DOK5: variants seen among roughly 807,000 people sequenced by gnomAD.
DOK5 encodes downstream of tyrosine kinase 5.
A neutral mutation model predicts 43.3 loss-of-function variants in DOK5; 27 were observed. That is an observed-to-expected ratio of 0.62 (90% CI 0.46 to 0.86). The LOEUF (loss-of-function observed/expected upper bound fraction) is 0.86, where lower values mean the gene tolerates loss of function less well. Ranked by LOEUF, DOK5 falls within the 40% of genes least tolerant of loss-of-function variation. DOK5 has a pLI of 0.00. For synonymous variants in DOK5, 146 were observed against 140.1 expected (o/e 1.04, Z -0.30); for missense variants, 373 against 392.9 (o/e 0.95, Z 0.43).
At chr20:54,551,065 T>C (rs1009428311) in intron 1 of DOK5, among the ~76,000 whole-genome samples, 3 of 152,094 alleles carry the variant, frequency 2.0e-5, no homozygotes, top group African/African-American at 7.2e-5. Flanking sequence ...CATTTGGTGG[T>C]GGTGGTATTA....
intron 6 of DOK5, among the ~76,000 whole-genome samples, chr20:54,636,404 C>T (rs899223701): frequency 1.3e-5 from 2 of 152,140 alleles, no homozygotes; most frequent in African/African-American, 4.8e-5. Context: ...TTGCAACTTC[C>T]CCAATTATTC....
chr20:54,580,506 A>G (rs1466375282), intron 2 of DOK5, among the ~76,000 whole-genome samples: 3 of 151,892 alleles, frequency 2.0e-5, no homozygotes, highest in African/African-American at 7.3e-5. Context: ...CCTTGCTAAC[A>G]CTTGTTATCT....
chr20:54,517,191 CT>C (rs1473790041), intron 1 of DOK5, among the ~76,000 whole-genome samples: 1 of 152,162 alleles, frequency 6.6e-6, no homozygotes, highest in Non-Finnish European at 1.5e-5. Flanking sequence ...GTTCTAACCC[CT>C]TCTTGTCTCT....
chr20:54,493,513 A>C (rs1982277492), intron 1 of DOK5, among the ~76,000 whole-genome samples: 2 of 152,224 alleles, frequency 1.3e-5, no homozygotes, highest in African/African-American at 4.8e-5. Flanking sequence ...CACATGCTAC[A>C]TGTGGACATG....
intron 2 of DOK5, among the ~76,000 whole-genome samples, chr20:54,578,016 C>A (rs1985507880): frequency 1.3e-5 from 2 of 152,154 alleles, no homozygotes; most frequent in South Asian, 4.1e-4. Context: ...GCAGAATGTG[C>A]CTTTGGTTTG....
Position 54,610,432 on chromosome 20 carries a change from A to T in DOK5, c.644A>T (p.Asp215Val), listed in dbSNP as rs1469698190. 1.3e-5 allele frequency: 21 copies of T among 1,600,232 alleles called. No homozygotes were observed. The highest frequency in any genetic ancestry group is 1.8e-5 in the Non-Finnish European group (21 of 1,173,456). Reference sequence around the variant, plus strand: ...GGGCTGTTTATCTTTCAGACCCGAGACGGGGAGGCCATCTATCAGAAAGTC... The same window carrying T: ...GGGCTGTTTATCTTTCAGACCCGAGTCGGGGAGGCCATCTATCAGAAAGTC... Reference protein sequence around the residue: ...GEGLFIFQTRDGEAIYQKVHS... With the variant: ...GEGLFIFQTRVGEAIYQKVHS... The change falls in exon 6 of 8, where the codon GAC becomes GTC. Residue 215 changes from aspartate (D) to valine (V), a missense_variant. Transcript: ENST00000262593.
Position 54,588,541 on chromosome 20 carries a change from A to T in DOK5, c.233A>T (p.His78Leu). ...VARLPKSTKK[H>L]AIGIYFNDDT... ...CGATTGCCAAAAAGCACCAAGAAAC[A>T]TGCCATAGGGATTTATTTCAATGAC... Residue 78 changes from histidine to leucine, a missense_variant, in exon 3 of 8, where the codon CAT (histidine) becomes CTT (leucine). His to Leu is a moderately conservative substitution (Grantham distance 99). Coordinates refer to ENST00000262593, the MANE Select transcript of DOK5 (RefSeq NM_018431.5). 6.2e-7 allele frequency: 1 copy of T among 1,614,178 alleles called. No individual in the cohort carries two copies. The highest frequency in any genetic ancestry group is 1.1e-5 in the South Asian group (1 of 91,084).
intron 1 of DOK5, among the ~76,000 whole-genome samples, chr20:54,509,031 C>T (rs1982918766): frequency 6.6e-6 from 1 of 151,984 alleles, no homozygotes; most frequent in South Asian, 2.1e-4. Flanking sequence ...CACACGCCAC[C>T]CCACCCAGCT....
At chr20:54,544,676 G>A (rs1984277836) in intron 1 of DOK5, among the ~76,000 whole-genome samples, 2 of 152,196 alleles carry the variant, frequency 1.3e-5, no homozygotes, top group African/African-American at 4.8e-5. Context: ...GATGGGCAAG[G>A]GAATGGGTGC....
chr20:54,537,606 C>G (rs114529183), intron 1 of DOK5, among the ~76,000 whole-genome samples: 1 of 151,940 alleles, frequency 6.6e-6, no homozygotes, highest in Non-Finnish European at 1.5e-5. Context: ...CAAAATAGAC[C>G]GATAGTAATC....
At chr20:54,568,657 G>A (rs1473017439) in intron 2 of DOK5, among the ~76,000 whole-genome samples, 2 of 152,194 alleles carry the variant, frequency 1.3e-5, no homozygotes, top group South Asian at 4.2e-4. Context: ...CTGGCTGGGC[G>A]CAGTGGCTCA....
chr20:54,634,956 AC>A (rs1978753882), intron 6 of DOK5, among the ~76,000 whole-genome samples: 1 of 152,162 alleles, frequency 6.6e-6, no homozygotes, highest in African/African-American at 2.4e-5. Flanking sequence ...ACCCCTGGAT[AC>A]CAAAAATAAA....
At chr20:54,584,264 G>T (rs1985729414) in intron 2 of DOK5, among the ~76,000 whole-genome samples, 1 of 151,608 alleles carries the variant, frequency 6.6e-6, no homozygotes, top group Non-Finnish European at 1.5e-5. Flanking sequence ...TTCTCTTGCT[G>T]TCGTATTTGT....
chr20:54,524,282 A>T (rs867346049), intron 1 of DOK5, among the ~76,000 whole-genome samples: 113 of 152,178 alleles, frequency 7.4e-4, no homozygotes, highest in African/African-American at 2.6e-3. Context: ...CCAACTCGGG[A>T]TGTTTCTCAC....
intron 5 of DOK5, among the ~76,000 whole-genome samples, chr20:54,605,024 T>TACACAC (rs35834800): frequency 1.5e-5 from 2 of 132,470 alleles, no homozygotes; most frequent in Non-Finnish European, 3.1e-5. Flanking sequence ...TATATATATA[T>TACACAC]ACACACACAC....
chr20:54,613,219 G>A (rs1017814167), intron 6 of DOK5, among the ~76,000 whole-genome samples: 32 of 132,308 alleles, frequency 2.4e-4, no homozygotes, highest in African/African-American at 5.7e-4. Flanking sequence ...TCTCTCTCTC[G>A]TCACCTCTCT....
intron 1 of DOK5, among the ~76,000 whole-genome samples, chr20:54,550,981 T>G (rs925758062): frequency 6.6e-6 from 1 of 152,216 alleles, no homozygotes; most frequent in Admixed American, 6.5e-5. Flanking sequence ...ACCACTGTTT[T>G]TCAGAGTGGC....
At chr20:54,551,265 T>C (rs540576830) in intron 1 of DOK5, among the ~76,000 whole-genome samples, 1 of 152,354 alleles carries the variant, frequency 6.6e-6, no homozygotes, top group South Asian at 2.1e-4. Flanking sequence ...GTTTTACTGT[T>C]GTGATTTGAG....
intron 1 of DOK5, among the ~76,000 whole-genome samples, chr20:54,528,067 G>A (rs756466267): frequency 6.6e-6 from 1 of 152,070 alleles, no homozygotes; most frequent in Non-Finnish European, 1.5e-5. Context: ...AGTTAGTTGG[G>A]CGTGATGGTA....
Sources: allele counts gnomAD v4.1 joint callset (sites outside exome capture counted in the v4.1 genomes callset), GRCh38; gene constraint gnomAD v4.1.1; transcripts MANE v1.5; gene names NCBI Gene and HGNC (gene_info 2026-07-23, HGNC 2026-07-21).